TMEM117: variants seen among roughly 807,000 people sequenced by gnomAD.
TMEM117 encodes the protein transmembrane protein 117.
In TMEM117, 27 loss-of-function variants were observed where a neutral mutation model predicts 52.4. That is an observed-to-expected ratio of 0.51 (90% confidence interval 0.38 to 0.71). The LOEUF (loss-of-function observed/expected upper bound fraction) is 0.71, where lower values mean the gene tolerates loss of function less well. TMEM117 is among the 30% of genes least tolerant of loss of function. TMEM117 has a pLI of 0.00. For missense variants in TMEM117, 556 were observed against 630.5 expected, an observed-to-expected ratio of 0.88 and a Z score of 1.26; for synonymous variants, 215 against 206.3, an observed-to-expected ratio of 1.04 and a Z score of -0.36.
chr12:44,115,956 T>G (rs1366340209), intron 3 of TMEM117, among the ~76,000 whole-genome samples: 2 of 152,230 alleles, frequency 1.3e-5, no homozygotes, highest in African/African-American at 4.8e-5. Context: ...TGTATCTTTC[T>G]GTCCCTTTCC....
intron 6 of TMEM117, among the ~76,000 whole-genome samples, chr12:44,375,079 C>A (rs1266993635): frequency 6.6e-6 from 1 of 151,994 alleles, no homozygotes; most frequent in African/African-American, 2.4e-5. Flanking sequence ...ACAAAGGTGG[C>A]ATTAGTGGAA....
chr12:44,376,770 T>C, intron 7 of TMEM117, 46 bp downstream of exon 7: 1 of 1,549,676 alleles, frequency 6.5e-7, no homozygotes, highest in Non-Finnish European at 8.7e-7. Flanking sequence ...CGTACATTAG[T>C]TAGGGTAATG....
chr12:44,150,214 TA>T (rs1441586188), intron 4 of TMEM117, among the ~76,000 whole-genome samples: 1 of 152,182 alleles, frequency 6.6e-6, no homozygotes, highest in Non-Finnish European at 1.5e-5. Flanking sequence ...GATTTCGTGT[TA>T]TGTGAGGTTC....
At chr12:44,059,387 C>G (rs2137949652) in intron 3 of TMEM117, among the ~76,000 whole-genome samples, 1 of 152,064 alleles carries the variant, frequency 6.6e-6, no homozygotes, top group Admixed American at 6.5e-5. Context: ...ACTTTTTTCC[C>G]CAGAATCTCC....
the TMEM117 span, among the ~76,000 whole-genome samples, chr12:43,823,970 A>G: frequency 3.3e-5 from 5 of 152,256 alleles, no homozygotes; most frequent in Non-Finnish European, 5.9e-5. Flanking sequence ...AATTACTTAC[A>G]TTAGTATACA....
chr12:44,085,405 A>G (rs1947550742), intron 3 of TMEM117, among the ~76,000 whole-genome samples: 1 of 152,214 alleles, frequency 6.6e-6, no homozygotes, highest in South Asian at 2.1e-4. Context: ...TTTGAACTTC[A>G]AAGTACGAAT....
At chr12:44,358,837 G>A (rs1285950745) in intron 6 of TMEM117, among the ~76,000 whole-genome samples, 1 of 152,064 alleles carries the variant, frequency 6.6e-6, no homozygotes, top group Non-Finnish European at 1.5e-5. Context: ...TGGTGTAAAG[G>A]GACATGGCCC....
At chr12:44,254,150 C>T (rs1209730424) in intron 5 of TMEM117, among the ~76,000 whole-genome samples, 2 of 151,598 alleles carry the variant, frequency 1.3e-5, no homozygotes, top group Non-Finnish European at 2.9e-5. Context: ...GATTTCTAAG[C>T]CTAAAAGGAA....
chr12:43,935,308 T>A (rs758802127), intron 2 of TMEM117, among the ~76,000 whole-genome samples: 11 of 152,244 alleles, frequency 7.2e-5, no homozygotes, highest in Admixed American at 2.0e-4. Context: ...TGATGAATTC[T>A]TAATATACTT....
At chr12:44,383,467 G>T (rs946404226) in intron 7 of TMEM117, among the ~76,000 whole-genome samples, 5 of 152,030 alleles carry the variant, frequency 3.3e-5, no homozygotes, top group African/African-American at 4.8e-5. Context: ...CAACCAGTAG[G>T]ATTCATTAAA....
At chr12:44,375,040 G>A (rs1189800301) in intron 6 of TMEM117, among the ~76,000 whole-genome samples, 2 of 151,766 alleles carry the variant, frequency 1.3e-5, no homozygotes, top group Non-Finnish European at 2.9e-5. Flanking sequence ...TATTATTATT[G>A]CAAACGTCTT....
intron 3 of TMEM117, among the ~76,000 whole-genome samples, chr12:43,952,045 G>T (rs1945232295): frequency 6.6e-6 from 1 of 151,976 alleles, no homozygotes; most frequent in South Asian, 2.1e-4. Flanking sequence ...TGCAGAAGAG[G>T]GGCCTGACTG....
chr12:44,036,827 C>A (rs944397497), intron 3 of TMEM117, among the ~76,000 whole-genome samples: 1 of 152,204 alleles, frequency 6.6e-6, no homozygotes, highest in Non-Finnish European at 1.5e-5. Flanking sequence ...CCAATTTATA[C>A]TCTTATCAGC....
At chr12:43,989,897 CAAATGTTTATT>C in intron 3 of TMEM117, among the ~76,000 whole-genome samples, 1 of 152,062 alleles carries the variant, frequency 6.6e-6, no homozygotes, top group East Asian at 1.9e-4. Flanking sequence ...GACTCTGAAA[CAAATGTTTATT>C]TCTGTGTTAT....
intron 3 of TMEM117, among the ~76,000 whole-genome samples, chr12:44,007,023 T>A (rs1946208633): frequency 6.6e-6 from 1 of 152,204 alleles, no homozygotes. Context: ...AGTATACATT[T>A]ACAAGTAATA....
At chr12:43,974,740 A>G (rs1357805576) in intron 3 of TMEM117, among the ~76,000 whole-genome samples, 1 of 152,154 alleles carries the variant, frequency 6.6e-6, no homozygotes, top group Non-Finnish European at 1.5e-5. Flanking sequence ...CTCATTTGCT[A>G]CAACATGGAA....
chr12:43,898,351 T>A (rs913597290), intron 2 of TMEM117, among the ~76,000 whole-genome samples: 1 of 149,336 alleles, frequency 6.7e-6, no homozygotes, highest in African/African-American at 2.4e-5. Context: ...GGATATATTG[T>A]GATTAATATA....
At chr12:43,892,009 A>G (rs1231061959) in intron 2 of TMEM117, among the ~76,000 whole-genome samples, 1 of 152,184 alleles carries the variant, frequency 6.6e-6, no homozygotes, top group African/African-American at 2.4e-5. Context: ...CTCTTTGTCA[A>G]TAATTAGTCA....
At chr12:44,271,501 A>C (rs1324990802) in intron 5 of TMEM117, among the ~76,000 whole-genome samples, 1 of 152,138 alleles carries the variant, frequency 6.6e-6, no homozygotes, top group Non-Finnish European at 1.5e-5. Context: ...TACAATAGGG[A>C]AACAAGCATC....
Sources: allele counts gnomAD v4.1 joint callset (sites outside exome capture counted in the v4.1 genomes callset), GRCh38; gene constraint gnomAD v4.1.1; transcripts MANE v1.5; gene names NCBI Gene and HGNC (gene_info 2026-07-23, HGNC 2026-07-21).